The following PDZRN4 variants were observed in gnomAD, a reference collection of about 807,000 sequenced individuals.
The protein encoded by PDZRN4 is PDZ domain containing ring finger 4, also known as PDZ domain-containing RING finger protein 4.
PDZRN4 carries 70 observed loss-of-function variants against 99.0 expected under a neutral mutation model. The observed-to-expected ratio is 0.71, with a 90% CI of 0.58 to 0.86. PDZRN4 has a LOEUF of 0.86. Ranked by LOEUF, PDZRN4 falls within the 40% of genes least tolerant of loss-of-function variation. The pLI, the probability that PDZRN4 is intolerant of heterozygous loss-of-function variation, is 0.00. For missense variants in PDZRN4, 1,474 were observed against 1,331.2 expected (o/e 1.11, Z -1.67); for synonymous variants, 551 against 501.6 (o/e 1.10, Z -1.32).
intron 3 of PDZRN4, among the ~76,000 whole-genome samples, chr12:41,196,538 A>T (rs981746916): frequency 2.0e-5 from 3 of 152,108 alleles, no homozygotes; most frequent in Non-Finnish European, 4.4e-5. Flanking sequence ...GCTCTTGCTT[A>T]GTTGTTCAGT....
chr12:41,411,408 C>T (rs569254143), intron 3 of PDZRN4: 19 of 152,292 alleles, frequency 1.2e-4, no homozygotes, highest in African/African-American at 4.1e-4. Flanking sequence ...ACCACCTCCC[C>T]TTAGGTTTCT....
At chr12:41,330,965 A>G (rs770816612) in intron 3 of PDZRN4, among the ~76,000 whole-genome samples, 4 of 152,120 alleles carry the variant, frequency 2.6e-5, no homozygotes, top group African/African-American at 4.8e-5. Flanking sequence ...CAGTTTTAAT[A>G]TAGTTATTTT....
intron 3 of PDZRN4, among the ~76,000 whole-genome samples, chr12:41,358,709 G>A (rs11180850): frequency 6.6e-6 from 1 of 151,948 alleles, no homozygotes; most frequent in Non-Finnish European, 1.5e-5. Flanking sequence ...GTGCATCTTA[G>A]AAAGGTTTTC....
intron 3 of PDZRN4, among the ~76,000 whole-genome samples, chr12:41,290,872 T>G (rs1951452791): frequency 6.6e-6 from 1 of 152,112 alleles, no homozygotes; most frequent in Non-Finnish European, 1.5e-5. Flanking sequence ...AAATTTACAA[T>G]TTTCTATGTC....
chr12:41,273,946 A>T (rs1951332936), intron 3 of PDZRN4, among the ~76,000 whole-genome samples: 1 of 152,134 alleles, frequency 6.6e-6, no homozygotes, highest in African/African-American at 2.4e-5. Context: ...AAGTCCTTGA[A>T]TGCAAGCTTG....
intron 7 of PDZRN4, among the ~76,000 whole-genome samples, chr12:41,562,430 G>A (rs985599326): frequency 3.9e-5 from 6 of 152,128 alleles, no homozygotes; most frequent in African/African-American, 1.4e-4. Flanking sequence ...AAAGACATTA[G>A]ATTATTGAAA....
chr12:41,538,926 A>G lies in PDZRN4; in HGVS notation c.1204-13730A>G, dbSNP rs1334918632. Among the ~76,000 whole-genome samples the G allele has an allele frequency of 8.5e-5, 13 of 152,086 alleles. No homozygotes were observed. The East Asian group carries it at 2.5e-3, about 29-fold the overall frequency. ...TTATGAAAATTTAACAGTGCACAAA[A>G]TTCTATACCATCATTTATTTTGCAT... On this transcript the variant is annotated intron_variant, in intron 5 of 9. Transcript: ENST00000402685.
intron 3 of PDZRN4, among the ~76,000 whole-genome samples, chr12:41,458,665 G>C (rs1348718751): frequency 2.0e-5 from 3 of 152,166 alleles, no homozygotes; most frequent in South Asian, 2.1e-4. Context: ...GAGGAGGATG[G>C]ACTGAGTACT....
intron 3 of PDZRN4, among the ~76,000 whole-genome samples, chr12:41,376,515 T>A (rs568100509): frequency 1.1e-3 from 163 of 152,280 alleles, no homozygotes; most frequent in African/African-American, 3.9e-3. Context: ...TTACTGGCCA[T>A]CCATATGTCT....
At chr12:41,390,509 T>C (rs536924308) in intron 3 of PDZRN4, among the ~76,000 whole-genome samples, 1 of 128,308 alleles carries the variant, frequency 7.8e-6, no homozygotes, top group South Asian at 2.6e-4. Context: ...CCCCATACTC[T>C]CTAAGTAAAA....
chr12:41,468,098 A>T (rs539139802), intron 3 of PDZRN4, among the ~76,000 whole-genome samples: 1 of 152,316 alleles, frequency 6.6e-6, no homozygotes, highest in Admixed American at 6.5e-5. Flanking sequence ...ACAGCATACA[A>T]ATATTTACAT....
chr12:41,375,566 G>C (rs1952073260), intron 3 of PDZRN4, among the ~76,000 whole-genome samples: 1 of 152,042 alleles, frequency 6.6e-6, no homozygotes, highest in Non-Finnish European at 1.5e-5. Flanking sequence ...ACCCTGAGAA[G>C]TTAACAAACA....
chr12:41,394,021 A>G (rs929117318), intron 3 of PDZRN4, among the ~76,000 whole-genome samples: 3 of 152,210 alleles, frequency 2.0e-5, no homozygotes, highest in African/African-American at 7.2e-5. Flanking sequence ...TGAATGCCTT[A>G]TAAATGGAAA....
At chr12:41,499,234 T>C (rs1938067747) in intron 3 of PDZRN4, among the ~76,000 whole-genome samples, 1 of 152,012 alleles carries the variant, frequency 6.6e-6, no homozygotes, top group Non-Finnish European at 1.5e-5. Flanking sequence ...AGATCCTGGG[T>C]GAGGCAGGGG....
chr12:41,244,902 G>A (rs570772112), intron 3 of PDZRN4, among the ~76,000 whole-genome samples: 2 of 142,774 alleles, frequency 1.4e-5, no homozygotes, highest in African/African-American at 5.1e-5. Flanking sequence ...TTGTTAGCCA[G>A]GATGGTCTCG....
At chr12:41,198,961 A>G (rs1009292097) in intron 3 of PDZRN4, among the ~76,000 whole-genome samples, 3 of 152,136 alleles carry the variant, frequency 2.0e-5, no homozygotes, top group African/African-American at 7.2e-5. Context: ...TGTACTGCTA[A>G]AATGAAAATC....
At chr12:41,368,527 T>A (rs986960480) in intron 3 of PDZRN4, among the ~76,000 whole-genome samples, 5 of 151,968 alleles carry the variant, frequency 3.3e-5, no homozygotes, top group African/African-American at 1.2e-4. Context: ...CACACACACT[T>A]CAAACAGAAG....
At chr12:41,484,999 T>C (rs1440017271) in intron 3 of PDZRN4, among the ~76,000 whole-genome samples, 1 of 152,134 alleles carries the variant, frequency 6.6e-6, no homozygotes, top group African/African-American at 2.4e-5. Flanking sequence ...ATCCCATGCC[T>C]CACAATCTGC....
chr12:41,191,842 G>A (rs565364472), intron 2 of PDZRN4, among the ~76,000 whole-genome samples: 1 of 151,964 alleles, frequency 6.6e-6, no homozygotes, highest in South Asian at 2.1e-4. Flanking sequence ...GAGTGCAGTG[G>A]CACGATCTCA....
Sources: allele counts gnomAD v4.1 joint callset (sites outside exome capture counted in the v4.1 genomes callset), GRCh38; gene constraint gnomAD v4.1.1; transcripts MANE v1.5; gene names NCBI Gene and HGNC (gene_info 2026-07-23, HGNC 2026-07-21).